The following GRM6 variants were observed in gnomAD, a reference collection of about 807,000 sequenced individuals.
The protein encoded by GRM6 is glutamate metabotropic receptor 6, also known as metabotropic glutamate receptor 6.
In GRM6, 73 loss-of-function variants were observed where a neutral mutation model predicts 78.4. The ratio of observed to expected loss-of-function variants is 0.93; its 90% CI spans 0.77 to 1.13. The LOEUF is 1.13. Among genes scored for constraint, GRM6 ranks in the 50% most tolerant of loss-of-function variants. The pLI, the probability that GRM6 is intolerant of heterozygous loss-of-function variation, is 0.00. For synonymous variants in GRM6, 580 were observed against 555.0 expected (o/e 1.05, Z -0.63); for missense variants, 1,251 against 1,256.4 (o/e 1.00, Z 0.07).
intron 9 of GRM6, among the ~76,000 whole-genome samples, chr5:178,985,436 G>A (rs893284733): frequency 2.1e-4 from 32 of 151,524 alleles, no homozygotes; most frequent in Non-Finnish European, 1.0e-4. Flanking sequence ...GGGCGCAGCG[G>A]CTCCCGCCTG....
rs377710656 is a variant in GRM6 at position 178,991,528 on chromosome 5, A to G, written c.753T>C (p.Ile251=). The change falls in exon 4 of 11, where the codon ATT becomes ATC. Residue 251 remains isoleucine, a synonymous_variant. Transcript: ENST00000517717. This position sits in a 1 kb window ranked among gnomAD's most constrained non-coding sequence, Gnocchi z 5.0. The part of the protein sequence containing the change: ...GGVCIAQSIK[I]PREPKPGEFS... ...ACTCTCCTGGCTTTGGTTCCCTGGG[A>G]ATCTTGATAGACTGGGCAATACAGA... The G allele has an allele frequency of 5.6e-6, 9 of 1,613,614 alleles. 1 individual carries two copies. In the African/African-American group the frequency reaches 6.7e-5, roughly 12 times the overall value.
At position 178,986,366 on chromosome 5, in the gene GRM6, C is replaced by T. The variant is rs202227349; in HGVS notation, c.1888G>A (p.Gly630Ser). 15 of 1,614,076 alleles carry T rather than the reference C, an allele frequency of 9.3e-6. No individual in the cohort carries two copies. Among genetic ancestry groups the T allele is most frequent in the East Asian group, 4.5e-5 (2 of 44,866 alleles). ...GRELSYVLLTGIFLIYAITFL... is the reference protein window; with the variant it reads ...GRELSYVLLTSIFLIYAITFL... ...GTGATGGCGTAGATGAGGAAGATGCCGGTGAGGAGGACGTAGCTGAGCTCT... is the reference window on the plus strand; with the variant it reads ...GTGATGGCGTAGATGAGGAAGATGCTGGTGAGGAGGACGTAGCTGAGCTCT... Residue 630 changes from glycine to serine, a missense_variant, in exon 9 of 11, where the codon GGC becomes AGC. Transcript: ENST00000517717.
In GRM6 at chr5:178,988,077, A is replaced by G. The variant is rs918490621; in HGVS notation, c.1354+858T>C. On this transcript the variant is annotated intron_variant, in intron 7 of 10. Coordinates refer to ENST00000517717, the MANE Select transcript of GRM6 (RefSeq NM_000843.4). The surrounding 1 kb of genome is among the most constrained non-coding windows in gnomAD (Gnocchi z 6.0). ...GCCCAGACTGAATGTATTTAATATC[A>G]CTGAACTCTACACTTAAAAAATGGT... Among the ~76,000 whole-genome samples, 1 of 152,222 alleles carries G rather than the reference A, an allele frequency of 6.6e-6. No homozygotes were observed. The highest frequency in any genetic ancestry group is 1.5e-5 in the Non-Finnish European group (1 of 68,020).
Position 178,994,784 on chromosome 5 carries a change from C to T in GRM6, c.161G>A (p.Gly54Asp), listed in dbSNP as rs1187072237. The T allele has an allele frequency of 2.3e-6, 3 of 1,326,364 alleles. No homozygotes were observed. The South Asian group carries it at 5.4e-5, about 24-fold the overall frequency. 82.2% of individuals were successfully genotyped at this position (1,326,364 alleles called of 1,614,324 possible). The change falls in exon 2 of 11, where the codon GGC (glycine) becomes GAC (aspartate). Residue 54 changes from glycine (G) to aspartate (D), a missense_variant. Coordinates refer to ENST00000517717, the MANE Select transcript of GRM6 (RefSeq NM_000843.4). Reference protein sequence around the residue: ...LFPVHARGAAGRACGQLKKEQ... With the variant: ...LFPVHARGAADRACGQLKKEQ... Reference sequence around the variant, plus strand: ...CTTCTTCAGCTGCCCGCACGCCCGGCCCGCCGCGCCCCGCGCGTGCACCGG... The same window carrying T: ...CTTCTTCAGCTGCCCGCACGCCCGGTCCGCCGCGCCCCGCGCGTGCACCGG...
chr5:178,981,474 C>T lies in GRM6; in HGVS notation c.*183G>A. 2 of 592,394 alleles carry T rather than the reference C, an allele frequency of 3.4e-6. No individual in the cohort carries two copies. Among genetic ancestry groups the T allele is most frequent in the South Asian group, 4.0e-5 (2 of 49,494 alleles). 36.7% of individuals were successfully genotyped at this position (592,394 alleles called of 1,614,324 possible). A position where few individuals can be genotyped will look rare whatever the true frequency, so the allele number is the denominator to read the frequency against. ...GGTGAGGAAGCATGAAGCTCACATG[C>T]TGGAATCGGGGTAGAGCTGGGTCCA... is the stretch of plus-strand genomic sequence containing the variant. On this transcript the variant is annotated 3_prime_UTR_variant, in exon 11 of 11. Coordinates refer to ENST00000517717, the MANE Select transcript of GRM6 (RefSeq NM_000843.4). This position sits in a 1 kb window ranked among gnomAD's most constrained non-coding sequence, Gnocchi z 5.1.
chr5:178,993,612 G>C (rs950329640), intron 2 of GRM6, among the ~76,000 whole-genome samples: 2 of 152,120 alleles, frequency 1.3e-5, no homozygotes, highest in Admixed American at 6.5e-5. Flanking sequence ...CCTTCACAGA[G>C]AGCCGGATGC....
Position 178,994,950 on chromosome 5 carries a change from C to G in GRM6, c.-6G>C, listed in dbSNP as rs1267794872. ...GCTCTCCGGGGCCGCGCCATCGGCT[C>G]GTCTAGCGGGCTGCGGGGAGACAGA... is the stretch of plus-strand genomic sequence containing the variant. On this transcript the variant is annotated 5_prime_UTR_variant, in exon 2 of 11. Coordinates refer to ENST00000517717, the MANE Select transcript of GRM6 (RefSeq NM_000843.4). 8.6e-7 allele frequency: 1 copy of G among 1,168,050 alleles called. No homozygotes were observed. Among genetic ancestry groups the G allele is most frequent in the Non-Finnish European group, 1.1e-6 (1 of 946,894 alleles). The allele number at this position is 1,168,050 out of a possible 1,614,324, so 72.4% of individuals were successfully genotyped here. A position where few individuals can be genotyped will look rare whatever the true frequency, so the allele number is the denominator to read the frequency against.
Position 178,994,565 on chromosome 5 carries a change from C to G in GRM6, c.380G>C (p.Gly127Ala). The change falls in exon 2 of 11, where the codon GGC (glycine) becomes GCC (alanine). Residue 127 changes from glycine to alanine, a missense_variant. Physicochemically the swap from Gly to Ala is moderately conservative, Grantham distance 60. Coordinates refer to ENST00000517717, the MANE Select transcript of GRM6 (RefSeq NM_000843.4). Reference protein sequence around the residue: ...IRGRGDGDEVGVRCPGGVPPL... With the variant: ...IRGRGDGDEVAVRCPGGVPPL... ...AGGGACGCCTCCCGGGCAGCGCACG[C>G]CCACCTCGTCGCCGTCGCCGCGGCC... 7.5e-7 allele frequency: 1 copy of G among 1,334,792 alleles called. No homozygotes were observed. The highest frequency in any genetic ancestry group is 3.1e-5 in the East Asian group (1 of 31,762). The allele number at this position is 1,334,792 out of a possible 1,614,324, so 82.7% of individuals were successfully genotyped here.
intron 9 of GRM6, among the ~76,000 whole-genome samples, chr5:178,983,994 A>G (rs903312935): frequency 6.6e-6 from 1 of 152,200 alleles, no homozygotes; most frequent in East Asian, 1.9e-4. Flanking sequence ...GGGCCATGTG[A>G]TCCTGCTGGA....
Position 178,989,385 on chromosome 5 carries a change from T to G in GRM6, c.1033A>C (p.Thr345Pro), listed in dbSNP as rs1190449871. The G allele has an allele frequency of 6.2e-7, 1 of 1,613,890 alleles. No homozygotes were observed. Among genetic ancestry groups the G allele is most frequent in the Non-Finnish European group, 8.5e-7 (1 of 1,179,980 alleles). Residue 345 changes from threonine (T) to proline (P), a missense_variant, in exon 6 of 11, where the codon ACT (threonine) becomes CCT (proline). Thr to Pro is a conservative substitution (Grantham distance 38). Transcript: ENST00000517717. ...SIDGFDQYFM[T>P]RSLENNRRNI... ...CTGCGGTTGTTCTCCAGGGATCGAG[T>G]CATGAAGTACTGGTCAAATCCTACA...
chr5:178,986,082 CG>C, intron 9 of GRM6, 47 bp downstream of exon 9: 2 of 1,563,456 alleles, frequency 1.3e-6, no homozygotes, highest in Non-Finnish European at 1.7e-6. Flanking sequence ...TGTAACGTTG[CG>C]GACAGTCCCC....
chr5:178,991,898 A>G lies in GRM6; in HGVS notation c.690T>C (p.Val230=). The G allele has an allele frequency of 6.2e-7, 1 of 1,614,036 alleles. No homozygotes were observed. The highest frequency in any genetic ancestry group is 8.5e-7 in the Non-Finnish European group (1 of 1,179,986). ...CTCGGGAGATCTGAACGAAGGCCTC[A>G]ACCCCACTTTCGCCATAGTTGCCCT... is the stretch of plus-strand genomic sequence containing the variant. The part of the protein sequence containing the change: ...ASEGNYGESG[V]EAFVQISREA... The change falls in exon 3 of 11, where the codon GTT becomes GTC. Residue 230 remains valine (V), a synonymous_variant. Coordinates refer to ENST00000517717, the MANE Select transcript of GRM6 (RefSeq NM_000843.4). This position sits in a 1 kb window ranked among gnomAD's most constrained non-coding sequence, Gnocchi z 5.0.
rs1475860374 is a variant in GRM6 at position 178,986,468 on chromosome 5, C to T, written c.1786G>A (p.Gly596Ser). 5 of 1,612,318 alleles carry T rather than the reference C, an allele frequency of 3.1e-6. No individual in the cohort carries two copies. The highest frequency in any genetic ancestry group is 4.2e-6 in the Non-Finnish European group (5 of 1,179,524). ...ACCACCGTGGTAGTGGCCACGATGC[C>T]CAGCACGGCCAGGAGGAGCGGCGGG... ...AAPPLLLAVL[G>S]IVATTTVVAT... Residue 596 changes from glycine (G) to serine (S), a missense_variant, in exon 9 of 11, where the codon GGC becomes AGC. Physicochemically the swap from Gly to Ser is moderately conservative, Grantham distance 56. Transcript: ENST00000517717.
intron 9 of GRM6, chr5:178,985,194 G>A: frequency 4.5e-6 from 2 of 447,644 alleles, no homozygotes; most frequent in Non-Finnish European, 9.0e-6. Context: ...AAACCGGTCA[G>A]ATAGCTCTTT....
In GRM6 at chr5:178,994,641, C is replaced by T; in HGVS notation, c.304G>A (p.Asp102Asn). ...GARLLDTCSR[D>N]TYALEQALSF... ...AGCGCCTGCTCCAGCGCGTAGGTGT[C>T]CCGCGAGCAGGTGTCCAGCAGCCGC... Residue 102 changes from aspartate (D) to asparagine (N), a missense_variant, in exon 2 of 11, where the codon GAC (aspartate) becomes AAC (asparagine). By Grantham distance (23) the Asp-to-Asn change is conservative. Transcript: ENST00000517717. The T allele has an allele frequency of 1.4e-6, 2 of 1,460,916 alleles. No homozygotes were observed. The highest frequency in any genetic ancestry group is 3.0e-5 in the East Asian group (1 of 33,152). 90.5% of individuals were successfully genotyped at this position (1,460,916 alleles called of 1,614,324 possible). A position where few individuals can be genotyped will look rare whatever the true frequency, so the allele number is the denominator to read the frequency against.
At position 178,988,927 on chromosome 5, in the gene GRM6, C is replaced by G; in HGVS notation, c.1354+8G>C. The stretch of plus-strand genomic sequence containing the variant: ...TTCACTGCTGCAGGGGGGCAGGCAC[C>G]CACTCACCATTGAAGCGGACAGCTC... On this transcript the variant is annotated splice_region_variant and intron_variant, in intron 7 of 10. Transcript: ENST00000517717. This position sits in a 1 kb window ranked among gnomAD's most constrained non-coding sequence, Gnocchi z 6.0. 1 of 1,609,064 alleles carries G rather than the reference C, an allele frequency of 6.2e-7. No homozygotes were observed. Among genetic ancestry groups the G allele is most frequent in the Non-Finnish European group, 8.5e-7 (1 of 1,177,038 alleles).
chr5:178,986,870 C>T lies in GRM6; in HGVS notation c.1468G>A (p.Val490Met), dbSNP rs1456864439. 11 of 1,613,998 alleles carry T rather than the reference C, an allele frequency of 6.8e-6. No individual in the cohort carries two copies. The highest frequency in any genetic ancestry group is 9.3e-6 in the Non-Finnish European group (11 of 1,180,038). The change falls in exon 8 of 11, where the codon GTG becomes ATG. Residue 490 changes from valine (V) to methionine (M), a missense_variant. By Grantham distance (21) the Val-to-Met change is conservative. Coordinates refer to ENST00000517717, the MANE Select transcript of GRM6 (RefSeq NM_000843.4). ...CTGAGGGTCTCTGCCCACTGGCCCACTGCCTGGTACCCGCCACTGCTGGCA... is the reference window on the plus strand; with the variant it reads ...CTGAGGGTCTCTGCCCACTGGCCCATTGCCTGGTACCCGCCACTGCTGGCA... ...GSASSGGYQA[V>M]GQWAETLRLD...
chr5:178,985,706 A>T, intron 9 of GRM6: 1 of 414,138 alleles, frequency 2.4e-6, no homozygotes, highest in Non-Finnish European at 4.7e-6. Flanking sequence ...CTGTCTAAAA[A>T]AAAAAAAACA....
chr5:178,987,192 G>T (rs774350424), intron 7 of GRM6: 1 of 693,408 alleles, frequency 1.4e-6, no homozygotes, highest in African/African-American at 1.8e-5. Flanking sequence ...TGTTGTGAGC[G>T]TGTGGAGAAG....
Sources: gnomAD v4.1 joint callset for allele counts (sites outside exome capture counted in the v4.1 genomes callset) on GRCh38, gnomAD v4.1.1 for gene constraint, Gnocchi (gnomAD v3.1) non-coding constraint, MANE v1.5 for transcripts, NCBI Gene and HGNC (gene_info 2026-07-23, HGNC 2026-07-21) for gene names.